The following AFF3 variants were observed in gnomAD, a reference collection of about 807,000 sequenced individuals.
AFF3 encodes the protein AF4/FMR2 family member 3.
In AFF3, 32 loss-of-function variants were observed where a neutral mutation model predicts 129.7. The observed-to-expected ratio is 0.25, with a 90% confidence interval of 0.19 to 0.33. AFF3 has a LOEUF of 0.33. Among genes scored for constraint, AFF3 ranks in the 10% least tolerant of loss-of-function variants. AFF3 has a pLI of 1.00. For missense variants in AFF3, 1,373 were observed against 1,592.0 expected (o/e 0.86, Z 2.34); for synonymous variants, 644 against 635.4 (o/e 1.01, Z -0.20).
intron 4 of AFF3, among the ~76,000 whole-genome samples, chr2:100,090,702 A>G (rs1219896884): frequency 6.6e-6 from 1 of 151,738 alleles, no homozygotes; most frequent in Non-Finnish European, 1.5e-5. Flanking sequence ...TTTGAGAAGG[A>G]GTCTCGCTGT....
intron 13 of AFF3, among the ~76,000 whole-genome samples, chr2:99,609,886 A>G (rs1260013272): frequency 6.6e-6 from 1 of 152,196 alleles, no homozygotes; most frequent in African/African-American, 2.4e-5. Context: ...ATACATCTAG[A>G]TGGCCTGAGG....
intron 7 of AFF3, among the ~76,000 whole-genome samples, chr2:99,905,700 A>G (rs1011043020): frequency 6.6e-6 from 1 of 152,196 alleles, no homozygotes; most frequent in African/African-American, 2.4e-5. Flanking sequence ...ACTAGCAGCC[A>G]TGCTTGTTAA....
chr2:99,874,213 C>T (rs1692110031), intron 7 of AFF3, among the ~76,000 whole-genome samples: 1 of 152,136 alleles, frequency 6.6e-6, no homozygotes, highest in Non-Finnish European at 1.5e-5. Flanking sequence ...GTAATTTCCC[C>T]TGATGTGGCC....
chr2:99,635,301 A>T (rs72966292), intron 13 of AFF3, among the ~76,000 whole-genome samples: 1 of 152,140 alleles, frequency 6.6e-6, no homozygotes, highest in Admixed American at 6.6e-5. Context: ...ATATACACAT[A>T]TCATATATGT....
intron 2 of AFF3, among the ~76,000 whole-genome samples, chr2:100,128,085 C>A (rs1194704064): frequency 6.6e-6 from 1 of 152,138 alleles, no homozygotes; most frequent in Non-Finnish European, 1.5e-5. Context: ...ATGGCAACAT[C>A]AGGAAGTTAC....
intron 4 of AFF3, among the ~76,000 whole-genome samples, chr2:100,021,823 G>A (rs79756295): frequency 0.033 from 5,011 of 152,132 alleles, 282 homozygotes; most frequent in African/African-American, 0.11. Flanking sequence ...TATTAGAATC[G>A]GGATTCTAAG....
In AFF3 at chr2:99,800,821, C is replaced by T. The variant is rs183136973; in HGVS notation, c.921+36656G>A. 3.9e-5 allele frequency among the ~76,000 whole-genome samples: 6 copies of T among 152,210 alleles called. No individual in the cohort carries two copies. In the East Asian group the frequency reaches 9.7e-4, roughly 25 times the overall value. On this transcript the variant is annotated intron_variant, in intron 8 of 24. Coordinates refer to ENST00000672756, the MANE Select transcript of AFF3 (RefSeq NM_001386135.1). ...ATTACACAGAGTGACAGAAGCCAAA[C>T]AAGAAAGTACATGCTATATGATTCT... is the stretch of plus-strand genomic sequence containing the variant.
chr2:99,765,007 G>A (rs1682895385), intron 8 of AFF3, among the ~76,000 whole-genome samples: 2 of 152,102 alleles, frequency 1.3e-5, no homozygotes, highest in South Asian at 4.1e-4. Flanking sequence ...CGTCATTTCT[G>A]AGCCAAATCT....
intron 4 of AFF3, among the ~76,000 whole-genome samples, chr2:100,055,379 C>T (rs1000771432): frequency 2.6e-4 from 39 of 151,638 alleles, no homozygotes; most frequent in African/African-American, 9.0e-4. Context: ...GCACACACGC[C>T]CTTGCTGCAC....
At chr2:100,118,912 A>G (rs1484898064) in intron 2 of AFF3, among the ~76,000 whole-genome samples, 1 of 151,796 alleles carries the variant, frequency 6.6e-6, no homozygotes, top group African/African-American at 2.4e-5. Context: ...GTTCAAGCCA[A>G]TCTCCTACCT....
At chr2:99,827,284 C>T (rs1366751058) in intron 8 of AFF3, among the ~76,000 whole-genome samples, 3 of 152,064 alleles carry the variant, frequency 2.0e-5, no homozygotes, top group South Asian at 2.1e-4. Context: ...CTGAGGAACA[C>T]CAACATCAAG....
intron 22 of AFF3, among the ~76,000 whole-genome samples, chr2:99,557,173 G>A (rs936455621): frequency 5.9e-5 from 9 of 151,752 alleles, no homozygotes; most frequent in Non-Finnish European, 7.4e-5. Context: ...ATAAGTACAC[G>A]CAATTTGTTG....
At chr2:99,619,377 T>C (rs1681768441) in intron 13 of AFF3, among the ~76,000 whole-genome samples, 1 of 152,252 alleles carries the variant, frequency 6.6e-6, no homozygotes, top group Admixed American at 6.5e-5. Context: ...CAGCTCAAGC[T>C]GTGATCTTGT....
At chr2:99,850,462 T>C (rs1177295382) in intron 7 of AFF3, among the ~76,000 whole-genome samples, 1 of 152,190 alleles carries the variant, frequency 6.6e-6, no homozygotes, top group Non-Finnish European at 1.5e-5. Context: ...TTCATACTCA[T>C]TCTGGGTCAT....
chr2:99,593,499 G>A lies in AFF3; in HGVS notation c.2162C>T (p.Ala721Val). ...AAANGGSGPRAPVGSINARTT... is the reference protein window; with the variant it reads ...AAANGGSGPRVPVGSINARTT... ...CCTGGCGTTGATGGAGCCTACAGGG[G>A]CCCTAGGACCACTGCCCCCGTTGGC... Residue 721 changes from alanine (A) to valine (V), a missense_variant, in exon 15 of 25, where the codon GCC becomes GTC. Ala to Val is a moderately conservative substitution (Grantham distance 64, BLOSUM62 0). Coordinates refer to ENST00000672756, the MANE Select transcript of AFF3 (RefSeq NM_001386135.1). 1 of 1,613,496 alleles carries A rather than the reference G, an allele frequency of 6.2e-7. No homozygotes were observed. The highest frequency in any genetic ancestry group is 8.5e-7 in the Non-Finnish European group (1 of 1,179,870).
chr2:99,910,210 T>C (rs367561853), intron 7 of AFF3, among the ~76,000 whole-genome samples: 11 of 152,186 alleles, frequency 7.2e-5, no homozygotes, highest in Admixed American at 2.6e-4. Flanking sequence ...GCACTCTTAA[T>C]ACCTGATTTG....
intron 11 of AFF3, among the ~76,000 whole-genome samples, chr2:99,677,461 G>A (rs749620246): frequency 6.6e-6 from 1 of 151,988 alleles, no homozygotes; most frequent in Non-Finnish European, 1.5e-5. Flanking sequence ...TTTTTTTAAC[G>A]TGCGATTAAG....
At chr2:99,820,332 T>G (rs1414099318) in intron 8 of AFF3, among the ~76,000 whole-genome samples, 6 of 152,158 alleles carry the variant, frequency 3.9e-5, no homozygotes, top group African/African-American at 1.4e-4. Context: ...GTAAGTATGT[T>G]GTGTATCTGA....
rs868715804 is a variant in AFF3 at position 99,593,683 on chromosome 2, G to A, written c.1978C>T (p.Pro660Ser). Residue 660 changes from proline to serine, a missense_variant, in exon 15 of 25, where the codon CCC (proline) becomes TCC (serine). Coordinates refer to ENST00000672756, the MANE Select transcript of AFF3 (RefSeq NM_001386135.1). ...GTCTCAATGAACTCCTTGGATTTGGGGACGATCCTGCTTAGCCCCCGCGTG... is the reference window on the plus strand; with the variant it reads ...GTCTCAATGAACTCCTTGGATTTGGAGACGATCCTGCTTAGCCCCCGCGTG... ...RRTRGLSRIV[P>S]KSKEFIETES... The A allele has an allele frequency of 6.2e-7, 1 of 1,605,224 alleles. No homozygotes were observed. Among genetic ancestry groups the A allele is most frequent in the East Asian group, 2.2e-5 (1 of 44,594 alleles).
Sources: allele counts gnomAD v4.1 joint callset (sites outside exome capture counted in the v4.1 genomes callset), GRCh38; gene constraint gnomAD v4.1.1; transcripts MANE v1.5; gene names NCBI Gene and HGNC (gene_info 2026-07-23, HGNC 2026-07-21).